The following POFUT3 variants were observed in gnomAD, a reference collection of about 807,000 sequenced individuals.
POFUT3 encodes the protein protein O-fucosyltransferase 3, also known as GDP-fucose protein O-fucosyltransferase 3.
chr8:33,443,738 C>A, the POFUT3 span, among the ~76,000 whole-genome samples: 2 of 152,114 alleles, frequency 1.3e-5, no homozygotes, highest in East Asian at 3.9e-4. Flanking sequence ...AGTGATCCAC[C>A]CTCCTCAGCC....
chr8:33,446,004 C>A, the POFUT3 span, among the ~76,000 whole-genome samples: 2 of 152,166 alleles, frequency 1.3e-5, no homozygotes, highest in African/African-American at 4.8e-5. Context: ...TAAGAAATGT[C>A]CTGTGCCTTC....
the POFUT3 span, chr8:33,461,546 C>G: frequency 6.3e-7 from 1 of 1,591,072 alleles, no homozygotes; most frequent in Non-Finnish European, 8.5e-7. Context: ...CATGGAAGAA[C>G]CATCTGGGCG....
At chr8:33,392,585 T>C in the POFUT3 span, among the ~76,000 whole-genome samples, 6 of 151,220 alleles carry the variant, frequency 4.0e-5, no homozygotes, top group South Asian at 1.1e-3. Flanking sequence ...TCTCAAAAAG[T>C]AAAAATAAAT....
At chr8:33,383,934 G>A in the POFUT3 span, among the ~76,000 whole-genome samples, 10 of 149,572 alleles carry the variant, frequency 6.7e-5, no homozygotes, top group Admixed American at 2.7e-4. Flanking sequence ...TTAATTCACC[G>A]TTCTGACCCC....
the POFUT3 span, among the ~76,000 whole-genome samples, chr8:33,382,356 A>G: frequency 6.6e-6 from 1 of 150,876 alleles, no homozygotes; most frequent in African/African-American, 2.4e-5. Flanking sequence ...TTTTAATTTC[A>G]TTCCCTCCTG....
chr8:33,446,354 G>A, the POFUT3 span, among the ~76,000 whole-genome samples: 1 of 151,912 alleles, frequency 6.6e-6, no homozygotes, highest in Non-Finnish European at 1.5e-5. Flanking sequence ...CTACTCAGGA[G>A]GCTGAGGCAC....
the POFUT3 span, among the ~76,000 whole-genome samples, chr8:33,356,516 GTTGT>G: frequency 1.3e-5 from 2 of 151,950 alleles, no homozygotes; most frequent in South Asian, 4.1e-4. Flanking sequence ...TTTTGATGGG[GTTGT>G]TTTTTTTTTC....
the POFUT3 span, among the ~76,000 whole-genome samples, chr8:33,309,138 TAAAAAAAAAAAA>T: frequency 1.2e-4 from 5 of 41,694 alleles, no homozygotes; most frequent in Non-Finnish European, 2.2e-4. Flanking sequence ...CTGGGGAGTG[TAAAAAAAAAAAA>T]AAAAAAAAAA....
At chr8:33,406,756 G>T in the POFUT3 span, among the ~76,000 whole-genome samples, 1 of 151,870 alleles carries the variant, frequency 6.6e-6, no homozygotes, top group Non-Finnish European at 1.5e-5. Context: ...TAGAGACAGA[G>T]GTCTTGCCAT....
the POFUT3 span, among the ~76,000 whole-genome samples, chr8:33,358,805 C>G: frequency 1.3e-5 from 2 of 151,768 alleles, no homozygotes; most frequent in Non-Finnish European, 1.5e-5. Context: ...AAGTTTGAAA[C>G]CAGCCTGGGC....
At chr8:33,435,989 G>C in the POFUT3 span, among the ~76,000 whole-genome samples, 1 of 152,046 alleles carries the variant, frequency 6.6e-6, no homozygotes, top group South Asian at 2.1e-4. Context: ...ACAGCTGCAG[G>C]AGGCAGGGAG....
the POFUT3 span, among the ~76,000 whole-genome samples, chr8:33,382,560 T>C: frequency 6.6e-6 from 1 of 152,198 alleles, no homozygotes; most frequent in Non-Finnish European, 1.5e-5. Flanking sequence ...CAACGTTCAC[T>C]GCAGCTTGCA....
chr8:33,370,169 T>TAAAAAAA, the POFUT3 span, among the ~76,000 whole-genome samples: 6 of 39,894 alleles, frequency 1.5e-4, 1 homozygote, highest in East Asian at 9.7e-4. Flanking sequence ...CCATCTTTAC[T>TAAAAAAA]AAAAAAAAAA....
the POFUT3 span, chr8:33,436,551 A>G: frequency 1.1e-6 from 1 of 951,452 alleles, no homozygotes; most frequent in South Asian, 1.3e-5. Flanking sequence ...TGCGTATGGC[A>G]TCTTCCTCTG....
the POFUT3 span, among the ~76,000 whole-genome samples, chr8:33,364,608 A>G: frequency 6.6e-6 from 1 of 152,224 alleles, no homozygotes; most frequent in Non-Finnish European, 1.5e-5. Flanking sequence ...AAAAATCACA[A>G]GCATTCCTAC....
chr8:33,454,028 G>A, the POFUT3 span, among the ~76,000 whole-genome samples: 4 of 152,324 alleles, frequency 2.6e-5, no homozygotes, highest in Admixed American at 2.0e-4. Flanking sequence ...TCAGGAGGCT[G>A]AGGCAGAAGG....
the POFUT3 span, among the ~76,000 whole-genome samples, chr8:33,379,993 A>ATAC: frequency 1.4e-5 from 1 of 71,378 alleles, no homozygotes; most frequent in African/African-American, 7.9e-5. Context: ...TATATATAGT[A>ATAC]TATATATATA....
the POFUT3 span, among the ~76,000 whole-genome samples, chr8:33,408,205 A>G: frequency 6.6e-6 from 1 of 151,790 alleles, no homozygotes; most frequent in African/African-American, 2.4e-5. Flanking sequence ...GCATGCCTGT[A>G]GTCCCAGCTA....
the POFUT3 span, among the ~76,000 whole-genome samples, chr8:33,356,751 C>G: frequency 1.3e-5 from 2 of 152,074 alleles, no homozygotes; most frequent in East Asian, 1.9e-4. Context: ...TTGCCCATGC[C>G]TATGTCCTGA....
Sources: gnomAD v4.1 joint callset for allele counts (sites outside exome capture counted in the v4.1 genomes callset) on GRCh38, gnomAD v4.1.1 for gene constraint, MANE v1.5 for transcripts, NCBI Gene and HGNC (gene_info 2026-07-23, HGNC 2026-07-21) for gene names.